Variants in RPSA2 observed in about 807,000 individuals in gnomAD.
RPSA2 encodes the protein small ribosomal subunit protein uS2B.
chr19:23,815,511 C>T, the RPSA2 span, among the ~76,000 whole-genome samples: 10 of 152,276 alleles, frequency 6.6e-5, no homozygotes, highest in South Asian at 2.1e-4. Context: ...AGTTACTCTT[C>T]GCCTTCAACC....
the RPSA2 span, among the ~76,000 whole-genome samples, chr19:23,788,860 G>A: frequency 6.6e-6 from 1 of 152,006 alleles, no homozygotes; most frequent in South Asian, 2.1e-4. Context: ...CATGCTTCAT[G>A]CACAAAGAAA....
the RPSA2 span, among the ~76,000 whole-genome samples, chr19:23,758,504 G>A: frequency 6.6e-6 from 1 of 152,210 alleles, no homozygotes; most frequent in African/African-American, 2.4e-5. Flanking sequence ...GGAGAGACCC[G>A]GCGCTGCGGA....
the RPSA2 span, among the ~76,000 whole-genome samples, chr19:23,855,653 G>C: frequency 2.6e-5 from 4 of 152,268 alleles, no homozygotes; most frequent in African/African-American, 4.8e-5. Context: ...AAGTCAGACT[G>C]GTATGAGAGT....
the RPSA2 span, among the ~76,000 whole-genome samples, chr19:23,759,510 T>C: frequency 7.2e-6 from 1 of 138,878 alleles, no homozygotes; most frequent in Non-Finnish European, 1.5e-5. Context: ...GCACTTTCTA[T>C]TTATATATCA....
the RPSA2 span, among the ~76,000 whole-genome samples, chr19:23,838,536 G>T: frequency 6.6e-6 from 1 of 151,880 alleles, no homozygotes. Context: ...CTGTGAATCT[G>T]TTGGATTTTT....
At chr19:23,827,546 G>A in the RPSA2 span, 6 of 1,596,414 alleles carry the variant, frequency 3.8e-6, no homozygotes, top group Middle Eastern at 2.1e-4. Context: ...TGACCCCAGG[G>A]CTGACCACCA....
At chr19:23,783,484 A>G in the RPSA2 span, among the ~76,000 whole-genome samples, 4 of 146,370 alleles carry the variant, frequency 2.7e-5, no homozygotes, top group Non-Finnish European at 5.9e-5. Flanking sequence ...ACTCTAATAC[A>G]TCTTTTCATT....
the RPSA2 span, among the ~76,000 whole-genome samples, chr19:23,830,805 T>A: frequency 6.6e-6 from 1 of 152,138 alleles, no homozygotes; most frequent in Non-Finnish European, 1.5e-5. Context: ...TTTATAATAT[T>A]TTTGCTGGGA....
At chr19:23,852,482 T>C in the RPSA2 span, among the ~76,000 whole-genome samples, 1 of 152,244 alleles carries the variant, frequency 6.6e-6, no homozygotes, top group Non-Finnish European at 1.5e-5. Context: ...ACATTGTTTC[T>C]ATAGATGTTA....
chr19:23,868,210 T>C, the RPSA2 span, among the ~76,000 whole-genome samples: 14 of 152,192 alleles, frequency 9.2e-5, no homozygotes, highest in African/African-American at 3.4e-4. Flanking sequence ...ATCTTAAAGA[T>C]TTTTTCTTTA....
chr19:23,833,767 A>C, the RPSA2 span, among the ~76,000 whole-genome samples: 4 of 152,238 alleles, frequency 2.6e-5, no homozygotes, highest in Non-Finnish European at 5.9e-5. Flanking sequence ...ATATGTCTTT[A>C]AAGTGCAGAA....
the RPSA2 span, among the ~76,000 whole-genome samples, chr19:23,784,684 A>G: frequency 6.6e-6 from 1 of 152,166 alleles, no homozygotes; most frequent in Non-Finnish European, 1.5e-5. Flanking sequence ...CACTCAGACA[A>G]CAGTAAAGAC....
the RPSA2 span, among the ~76,000 whole-genome samples, chr19:23,848,206 A>T: frequency 1.1e-3 from 173 of 152,354 alleles, 2 homozygotes; most frequent in African/African-American, 4.0e-3. Flanking sequence ...ATAAATATCC[A>T]TGAAATCTTC....
At chr19:23,861,453 G>A in the RPSA2 span, among the ~76,000 whole-genome samples, 2 of 152,010 alleles carry the variant, frequency 1.3e-5, no homozygotes, top group African/African-American at 4.8e-5. Flanking sequence ...TTCACTTCTA[G>A]CATATCTCCC....
At chr19:23,793,703 C>T in the RPSA2 span, among the ~76,000 whole-genome samples, 6 of 152,188 alleles carry the variant, frequency 3.9e-5, no homozygotes, top group Admixed American at 3.9e-4. Flanking sequence ...GCTGCTATTA[C>T]AGGTGCCCAC....
the RPSA2 span, among the ~76,000 whole-genome samples, chr19:23,805,777 C>T: frequency 1.3e-5 from 2 of 152,062 alleles, no homozygotes; most frequent in Non-Finnish European, 2.9e-5. Flanking sequence ...TACTTCTAAA[C>T]TTGTGTTTTT....
the RPSA2 span, among the ~76,000 whole-genome samples, chr19:23,778,523 T>A: frequency 6.6e-6 from 1 of 152,270 alleles, no homozygotes; most frequent in African/African-American, 2.4e-5. Flanking sequence ...GACTCTGTTT[T>A]TTAACCAGGG....
At chr19:23,843,235 C>G in the RPSA2 span, 1 of 265,634 alleles carries the variant, frequency 3.8e-6, no homozygotes. Context: ...TAAAAGAACC[C>G]TGGTATGTAA....
chr19:23,846,409 A>C, the RPSA2 span, among the ~76,000 whole-genome samples: 3 of 152,104 alleles, frequency 2.0e-5, no homozygotes, highest in Non-Finnish European at 4.4e-5. Flanking sequence ...GTGGTTTAAT[A>C]AAATTATGTC....
Sources: gnomAD v4.1 joint callset for allele counts (sites outside exome capture counted in the v4.1 genomes callset) on GRCh38, gnomAD v4.1.1 for gene constraint, MANE v1.5 for transcripts, NCBI Gene and HGNC (gene_info 2026-07-23, HGNC 2026-07-21) for gene names.